TRMT11: variants seen among roughly 807,000 people sequenced by gnomAD.
The protein encoded by TRMT11 is tRNA methyltransferase 11.
A neutral mutation model predicts 62.8 loss-of-function variants in TRMT11; 53 were observed. The ratio of observed to expected loss-of-function variants is 0.84; its 90% CI spans 0.68 to 1.06. The LOEUF is 1.06. TRMT11 is among the 50% of genes least tolerant of loss of function. The pLI is 0.00. For missense variants in TRMT11, 556 were observed against 553.4 expected, an observed-to-expected ratio of 1.00 and a Z score of -0.05; for synonymous variants, 188 against 190.3, an observed-to-expected ratio of 0.99 and a Z score of 0.10.
intron 21 of TRMT11, among the ~76,000 whole-genome samples, chr6:126,138,623 A>T (rs954006050): frequency 6.6e-6 from 1 of 152,032 alleles, no homozygotes; most frequent in African/African-American, 2.4e-5. Context: ...TTTTAAGGCA[A>T]ATATTTAATT....
chr6:126,176,540 C>A (rs78237494), upstream of TRMT11, among the ~76,000 whole-genome samples: 1 of 152,248 alleles, frequency 6.6e-6, no homozygotes, highest in African/African-American at 2.4e-5. Flanking sequence ...ACTTTGAATA[C>A]CTCCTGTGAC....
At chr6:126,255,733 TA>T in the TRMT11 span, among the ~76,000 whole-genome samples, 2 of 152,044 alleles carry the variant, frequency 1.3e-5, no homozygotes, top group Non-Finnish European at 1.5e-5. Flanking sequence ...GAAGGGATGT[TA>T]AAAAAATGAG....
chr6:126,062,227 T>C (rs1299427269), intron 17 of TRMT11, among the ~76,000 whole-genome samples: 2 of 152,190 alleles, frequency 1.3e-5, no homozygotes, highest in East Asian at 3.9e-4. Context: ...CCAGGATCTC[T>C]TTCTGTTGAT....
At chr6:126,103,748 T>G (rs1057230944) in intron 17 of TRMT11, among the ~76,000 whole-genome samples, 1 of 152,238 alleles carries the variant, frequency 6.6e-6, no homozygotes, top group Non-Finnish European at 1.5e-5. Flanking sequence ...AAATGGCAAT[T>G]TTCTTCTTCA....
At chr6:126,076,130 G>A (rs548237068) in intron 17 of TRMT11, among the ~76,000 whole-genome samples, 2 of 152,248 alleles carry the variant, frequency 1.3e-5, no homozygotes, top group East Asian at 3.9e-4. Flanking sequence ...GTGGGAGGTA[G>A]GGAGAAACAG....
the TRMT11 span, among the ~76,000 whole-genome samples, chr6:126,238,174 T>C: frequency 6.6e-6 from 1 of 152,178 alleles, no homozygotes; most frequent in Admixed American, 6.5e-5. Flanking sequence ...CCTGGATTCA[T>C]TGATTTTTTG....
At chr6:126,022,237 C>T (rs966709797) in intron 12 of TRMT11, among the ~76,000 whole-genome samples, 21 of 151,170 alleles carry the variant, frequency 1.4e-4, no homozygotes, top group African/African-American at 2.4e-4. Context: ...TTAATAGAGA[C>T]GGGGTTTTAC....
chr6:126,066,412 A>G (rs932948095), intron 17 of TRMT11, among the ~76,000 whole-genome samples: 4 of 152,208 alleles, frequency 2.6e-5, no homozygotes, highest in Non-Finnish European at 5.9e-5. Flanking sequence ...AGCATGGCTG[A>G]GTTCTTGGGA....
At position 125,993,768 on chromosome 6, in the gene TRMT11, T is replaced by C. The variant is rs757215984; in HGVS notation, c.84T>C (p.Ser28=). 2 of 1,608,164 alleles carry C rather than the reference T, an allele frequency of 1.2e-6. No homozygotes were observed. Among genetic ancestry groups the C allele is most frequent in the South Asian group, 2.2e-5 (2 of 90,714 alleles). ...HLEFRLPEIK[S]LLLLFGGQFA... ...TATTTTCAATACAGGAAATAAAGTC[T>C]TTGCTTTTGCTTTTTGGAGGTCAGT... Residue 28 remains serine (S), a synonymous_variant, in exon 2 of 13, where the codon TCT becomes TCC. Transcript: ENST00000334379.
Position 126,114,630 on chromosome 6 carries a change from A to G in TRMT11, c.*1527-75A>G, listed in dbSNP as rs1363435547. Among the ~76,000 whole-genome samples the G allele has an allele frequency of 2.0e-5, 3 of 152,056 alleles. No homozygotes were observed. The East Asian group carries it at 5.8e-4, about 29-fold the overall frequency. On this transcript the variant is annotated intron_variant and NMD_transcript_variant, in intron 18 of 22. Transcript: ENST00000648977. The stretch of plus-strand genomic sequence containing the variant: ...TTATATCTTTCATACTACTCAATAT[A>G]CCACATGTAACAAATGAGGTCTTTT...
intron 7 of TRMT11, among the ~76,000 whole-genome samples, chr6:126,002,303 A>G (rs1792634072): frequency 6.6e-6 from 1 of 152,190 alleles, no homozygotes; most frequent in African/African-American, 2.4e-5. Flanking sequence ...GTGAATTTGC[A>G]CATATACTAT....
intron 7 of TRMT11, among the ~76,000 whole-genome samples, chr6:126,000,441 A>G (rs1173356778): frequency 6.6e-6 from 1 of 152,114 alleles, no homozygotes; most frequent in South Asian, 2.1e-4. Context: ...TTCTGATGCT[A>G]CTATCTAGTT....
At chr6:126,045,268 G>A (rs1562304301) in intron 16 of TRMT11, among the ~76,000 whole-genome samples, 4 of 152,070 alleles carry the variant, frequency 2.6e-5, no homozygotes, top group Non-Finnish European at 4.4e-5. Context: ...TGACCTAGGA[G>A]TATGTCTTTT....
the TRMT11 span, among the ~76,000 whole-genome samples, chr6:126,253,050 G>A: frequency 3.3e-5 from 5 of 151,962 alleles, no homozygotes; most frequent in African/African-American, 7.2e-5. Context: ...TACACATACC[G>A]TCAAATATCT....
At chr6:126,078,863 C>T (rs1554235665) in intron 17 of TRMT11, among the ~76,000 whole-genome samples, 1 of 152,192 alleles carries the variant, frequency 6.6e-6, no homozygotes, top group Non-Finnish European at 1.5e-5. Flanking sequence ...GTTTTTCTCT[C>T]ATAGGATAAT....
intron 17 of TRMT11, among the ~76,000 whole-genome samples, chr6:126,075,415 T>C (rs945852919): frequency 6.6e-6 from 1 of 151,992 alleles, no homozygotes; most frequent in African/African-American, 2.4e-5. Context: ...ATTTCCCCCT[T>C]GCTATTCTCG....
At chr6:126,239,971 C>T in the TRMT11 span, among the ~76,000 whole-genome samples, 1 of 152,166 alleles carries the variant, frequency 6.6e-6, no homozygotes, top group Admixed American at 6.5e-5. Flanking sequence ...TCTTCCATCA[C>T]TGATACCCTT....
At chr6:126,260,640 T>G in the TRMT11 span, among the ~76,000 whole-genome samples, 1 of 152,214 alleles carries the variant, frequency 6.6e-6, no homozygotes, top group Non-Finnish European at 1.5e-5. Flanking sequence ...CTCTCAGGCT[T>G]TGTTTTTCTG....
At chr6:126,151,935 C>CTTTCTTTCTTTCTT (rs1562334975) in intron 21 of TRMT11, among the ~76,000 whole-genome samples, 2 of 94,768 alleles carry the variant, frequency 2.1e-5, no homozygotes, top group Non-Finnish European at 4.2e-5. Context: ...TTCTTTCTTT[C>CTTTCTTTCTTTCTT]TTTCTTTCTT....
Sources: gnomAD v4.1 joint callset for allele counts (sites outside exome capture counted in the v4.1 genomes callset) on GRCh38, gnomAD v4.1.1 for gene constraint, MANE v1.5 for transcripts, NCBI Gene and HGNC (gene_info 2026-07-23, HGNC 2026-07-21) for gene names.